Variants in PPM1G observed in about 807,000 individuals in gnomAD.
PPM1G encodes protein phosphatase 1G.
In PPM1G, 12 loss-of-function variants were observed where a neutral mutation model predicts 59.4. The observed-to-expected ratio is 0.20, with a 90% CI of 0.13 to 0.33. The LOEUF is 0.33. Ranked by LOEUF, PPM1G falls within the 10% of genes least tolerant of loss-of-function variation. The pLI is 1.00. For missense variants in PPM1G, 392 were observed against 681.3 expected (o/e 0.58, Z 4.73); for synonymous variants, 245 against 251.9 (o/e 0.97, Z 0.26).
chr2:27,408,268 T>C (rs1178334292), intron 1 of PPM1G, among the ~76,000 whole-genome samples: 3 of 152,192 alleles, frequency 2.0e-5, no homozygotes, highest in South Asian at 2.1e-4. Flanking sequence ...TATTTCGCTG[T>C]TACCTGAAGC....
chr2:27,386,402 CT>C (rs1683763100), intron 2 of PPM1G, 123 bp from the exon 3 acceptor site: 1 of 655,958 alleles, frequency 1.5e-6, no homozygotes, highest in Non-Finnish European at 2.7e-6. Context: ...CTTAGCACCC[CT>C]GAACCCTATT....
intron 3 of PPM1G, 53 bp downstream of exon 3, chr2:27,386,141 G>A: frequency 6.6e-7 from 1 of 1,508,970 alleles, no homozygotes; most frequent in Non-Finnish European, 9.2e-7. Flanking sequence ...AAGGGCTAGA[G>A]AACAAGGGAA....
At chr2:27,390,597 A>G (rs1683875411) in intron 1 of PPM1G, among the ~76,000 whole-genome samples, 1 of 151,886 alleles carries the variant, frequency 6.6e-6, no homozygotes, top group Non-Finnish European at 1.5e-5. Context: ...TGCAGACTTC[A>G]TTTCCCCTAG....
In PPM1G at chr2:27,381,749, G is replaced by A; in HGVS notation, c.1491C>T (p.Asn497=). 1 of 1,613,710 alleles carries A rather than the reference G, an allele frequency of 6.2e-7. No individual in the cohort carries two copies. The highest frequency in any genetic ancestry group is 8.5e-7 in the Non-Finnish European group (1 of 1,180,004). Residue 497 remains asparagine, a synonymous_variant, in exon 10 of 10, where the codon AAC becomes AAT. Transcript: ENST00000344034. ...TGAAGCAAATGATGATGCAGGTCAT[G>A]TTGTCACACCCTGTACCATCCCCAG... ...DTSGDGTGCD[N]MTCIIICFKP...
Position 27,409,567 on chromosome 2 carries a change from G to T in PPM1G, c.-145C>A, listed in dbSNP as rs887403051. On this transcript the variant is annotated 5_prime_UTR_variant, in exon 1 of 10. Coordinates refer to ENST00000344034, the MANE Select transcript of PPM1G (RefSeq NM_177983.3). ...CGGTGAAAGGCGCGAGGCCGGCCAGGAGGCGGTAACGGGACGGGAGCTGTG... is the reference window on the plus strand; with the variant it reads ...CGGTGAAAGGCGCGAGGCCGGCCAGTAGGCGGTAACGGGACGGGAGCTGTG... 1.2e-5 allele frequency: 13 copies of T among 1,106,876 alleles called. No individual in the cohort carries two copies. Among genetic ancestry groups the T allele is most frequent in the Non-Finnish European group, 1.5e-5 (13 of 850,478 alleles). The allele number at this position is 1,106,876 out of a possible 1,614,324, so 68.6% of individuals were successfully genotyped here.
intron 2 of PPM1G, chr2:27,386,832 C>G: frequency 6.8e-6 from 2 of 295,658 alleles, no homozygotes; most frequent in Non-Finnish European, 1.3e-5. Flanking sequence ...TACCGCGTGC[C>G]CAGCCTAAAA....
At position 27,406,825 on chromosome 2, in the gene PPM1G, A is replaced by G. The variant is rs148911392; in HGVS notation, c.120+2478T>C. Among the ~76,000 whole-genome samples the G allele has an allele frequency of 2.0e-5, 3 of 152,336 alleles. No individual in the cohort carries two copies. The East Asian group carries it at 5.8e-4, about 29-fold the overall frequency. Reference sequence around the variant, plus strand: ...AAAAATATTAAATGAGAAACCTGGAAGAAACGTTTTACTGCGAGATGGAAT... The same window carrying G: ...AAAAATATTAAATGAGAAACCTGGAGGAAACGTTTTACTGCGAGATGGAAT... On this transcript the variant is annotated intron_variant, in intron 1 of 9. Transcript: ENST00000344034.
chr2:27,386,387 AAT>A (rs1683762783), intron 2 of PPM1G, 108 bp from the exon 3 acceptor site: 1 of 788,636 alleles, frequency 1.3e-6, no homozygotes, highest in African/African-American at 1.7e-5. Flanking sequence ...TGAGGGGATA[AAT>A]ATCTTAGCAC....
intron 1 of PPM1G, among the ~76,000 whole-genome samples, chr2:27,398,190 G>T (rs1684094337): frequency 1.3e-5 from 2 of 152,140 alleles, no homozygotes; most frequent in African/African-American, 2.4e-5. Context: ...TGAGAGTTCA[G>T]AAATAAAACC....
chr2:27,381,814 GGGAT>G lies in PPM1G; in HGVS notation c.1435-13_1435-10del. On this transcript the variant is annotated splice_polypyrimidine_tract_variant and intron_variant, in intron 9 of 9. Transcript: ENST00000344034. ...AGGCACTGATCCAGCAGCTAAGAAA[GGGAT>G]GGGGGTAGCTCAGCCACAGGGTTTG... The G allele has an allele frequency of 6.2e-7, 1 of 1,612,032 alleles. No homozygotes were observed. Among genetic ancestry groups the G allele is most frequent in the Non-Finnish European group, 8.5e-7 (1 of 1,179,726 alleles).
At position 27,382,954 on chromosome 2, in the gene PPM1G, T is replaced by G. The variant is rs921150057; in HGVS notation, c.1202-349A>C. 1.9e-4 allele frequency among the ~76,000 whole-genome samples: 29 copies of G among 151,662 alleles called. No homozygotes were observed. Among genetic ancestry groups the G allele is most frequent in the Non-Finnish European group, 3.1e-4 (21 of 67,930 alleles). ...GGTTCTCCTGCCTCAGCCTCCTGAG[T>G]AGCTGGGATTACAGGCTTGCACTAC... On this transcript the variant is annotated intron_variant, in intron 7 of 9. Transcript: ENST00000344034. The surrounding 1 kb of genome is among the most constrained non-coding windows in gnomAD (Gnocchi z 4.2).
intron 1 of PPM1G, chr2:27,393,472 G>A (rs1572664840): frequency 1.7e-5 from 13 of 787,248 alleles, no homozygotes; most frequent in South Asian, 2.9e-5. Flanking sequence ...AAGAGGTGAC[G>A]GAGGGCTGGC....
chr2:27,403,066 C>T (rs1046127476), intron 1 of PPM1G, among the ~76,000 whole-genome samples: 3 of 151,966 alleles, frequency 2.0e-5, no homozygotes, highest in Non-Finnish European at 4.4e-5. Context: ...TGTGAAGGAA[C>T]CGGCACAAGA....
intron 9 of PPM1G, 100 bp from the exon 10 acceptor site, chr2:27,381,905 G>T: frequency 8.0e-7 from 1 of 1,257,562 alleles, no homozygotes; most frequent in South Asian, 1.3e-5. Context: ...AGGGTGGTAG[G>T]AGAGGAATGG....
At chr2:27,395,709 G>T (rs1684036044) in intron 1 of PPM1G, among the ~76,000 whole-genome samples, 1 of 151,832 alleles carries the variant, frequency 6.6e-6, no homozygotes, top group South Asian at 2.1e-4. Flanking sequence ...GCCACAAGTG[G>T]TGGTGCACAC....
chr2:27,397,344 A>T (rs1572666890), intron 1 of PPM1G, among the ~76,000 whole-genome samples: 1 of 152,216 alleles, frequency 6.6e-6, no homozygotes, highest in African/African-American at 2.4e-5. Flanking sequence ...TCATTCTATG[A>T]GGCCAGCATT....
intron 1 of PPM1G, among the ~76,000 whole-genome samples, chr2:27,395,848 AAAAAAAAG>A (rs1327620102): frequency 6.6e-6 from 1 of 151,964 alleles, no homozygotes; most frequent in Non-Finnish European, 1.5e-5. Context: ...CTCAAAAAAA[AAAAAAAAG>A]AAAAAGGAAA....
At chr2:27,408,225 C>G (rs945138261) in intron 1 of PPM1G, among the ~76,000 whole-genome samples, 1 of 152,122 alleles carries the variant, frequency 6.6e-6, no homozygotes, top group Non-Finnish European at 1.5e-5. Flanking sequence ...CAGGGAGGAG[C>G]GAGGGATCTG....
At chr2:27,409,142 T>A (rs927971829) in intron 1 of PPM1G, among the ~76,000 whole-genome samples, 161 bp downstream of exon 1, 4 of 152,208 alleles carry the variant, frequency 2.6e-5, no homozygotes, top group African/African-American at 9.6e-5. Context: ...GGGAGCTCCC[T>A]CTCGGCCCTG....
Sources: allele counts gnomAD v4.1 joint callset (sites outside exome capture counted in the v4.1 genomes callset), GRCh38; gene constraint gnomAD v4.1.1; non-coding constraint Gnocchi (gnomAD v3.1); transcripts MANE v1.5; gene names NCBI Gene and HGNC (gene_info 2026-07-23, HGNC 2026-07-21).